The following MAP3K9 variants were observed in gnomAD, a reference collection of about 807,000 sequenced individuals.
The protein encoded by MAP3K9 is mitogen-activated protein kinase kinase kinase 9, also known as mixed lineage kinase 1 (tyr and ser/thr specificity).
Under a neutral mutation model 95.8 loss-of-function variants are expected in MAP3K9, and 46 were observed. The observed-to-expected ratio is 0.48, with a 90% CI of 0.38 to 0.61. The LOEUF is 0.61. MAP3K9 is among the 20% of genes least tolerant of loss of function. The probability of loss-of-function intolerance (pLI) is 0.00; values close to 1 mark genes in which losing one functional copy is unlikely to be tolerated. For synonymous variants in MAP3K9, 533 were observed against 593.8 expected (o/e 0.90, Z 1.49); for missense variants, 1,296 against 1,474.3 (o/e 0.88, Z 1.98).
chr14:70,749,849 G>C, intron 4 of MAP3K9, 84 bp downstream of exon 4: 1 of 1,497,288 alleles, frequency 6.7e-7, no homozygotes, highest in Non-Finnish European at 9.2e-7. Flanking sequence ...TTCAGTAACT[G>C]ATCTCACAGA....
chr14:70,742,911 TTATATATATATATA>T (rs3081458), intron 5 of MAP3K9, among the ~76,000 whole-genome samples: 1 of 143,114 alleles, frequency 7.0e-6, no homozygotes, highest in African/African-American at 2.6e-5. Flanking sequence ...TTATATATAT[TTATATATATATATA>T]TATATATATA....
chr14:70,744,170 G>C lies in MAP3K9; in HGVS notation c.1327-1579C>G, dbSNP rs537172577. On this transcript the variant is annotated intron_variant, in intron 5 of 11. Coordinates refer to ENST00000554752, the MANE Select transcript of MAP3K9 (RefSeq NM_001284230.2). Reference sequence around the variant, plus strand: ...GAACAATGAGAACGCATGGACACAGGGAGGGGAACGTCACACACCCTGTGG... The same window carrying C: ...GAACAATGAGAACGCATGGACACAGCGAGGGGAACGTCACACACCCTGTGG... Among the ~76,000 whole-genome samples, 19 of 152,192 alleles carry C rather than the reference G, an allele frequency of 1.2e-4. No homozygotes were observed. The East Asian group carries it at 3.7e-3, about 29-fold the overall frequency.
chr14:70,769,088 G>A (rs189560404), intron 2 of MAP3K9, among the ~76,000 whole-genome samples: 3 of 152,184 alleles, frequency 2.0e-5, no homozygotes, highest in South Asian at 2.1e-4. Flanking sequence ...GAGCACACCC[G>A]TAGTCCCAGC....
chr14:70,753,694 A>G (rs1242588452), intron 3 of MAP3K9, among the ~76,000 whole-genome samples: 1 of 152,146 alleles, frequency 6.6e-6, no homozygotes, highest in African/African-American at 2.4e-5. Flanking sequence ...ACCAGCTCCC[A>G]CAGTGCTGCC....
At chr14:70,745,064 A>G (rs1364083551) in intron 5 of MAP3K9, among the ~76,000 whole-genome samples, 1 of 152,164 alleles carries the variant, frequency 6.6e-6, no homozygotes, top group Non-Finnish European at 1.5e-5. Flanking sequence ...AAATTTTTAA[A>G]TCTAGATTTT....
At chr14:70,731,972 C>T (rs941188521) in intron 11 of MAP3K9, among the ~76,000 whole-genome samples, 16 of 151,312 alleles carry the variant, frequency 1.1e-4, no homozygotes, top group African/African-American at 2.2e-4. Flanking sequence ...CAGTCATATG[C>T]ACGGGGATAG....
intron 2 of MAP3K9, among the ~76,000 whole-genome samples, chr14:70,764,410 G>C (rs2054420396): frequency 6.6e-6 from 1 of 150,706 alleles, no homozygotes; most frequent in African/African-American, 2.4e-5. Flanking sequence ...TAACAAAAAA[G>C]TTTAAAATGT....
intron 2 of MAP3K9, among the ~76,000 whole-genome samples, chr14:70,771,231 T>C (rs573801963): frequency 6.6e-6 from 1 of 152,302 alleles, no homozygotes; most frequent in Non-Finnish European, 1.5e-5. Flanking sequence ...AAGGTAGCTG[T>C]AGCATTTCAC....
At chr14:70,803,931 T>G (rs1056794886) in intron 1 of MAP3K9, among the ~76,000 whole-genome samples, 1 of 152,238 alleles carries the variant, frequency 6.6e-6, no homozygotes, top group African/African-American at 2.4e-5. Flanking sequence ...TTCTGCCAAT[T>G]AGATGCACAA....
At chr14:70,733,644 T>G in intron 10 of MAP3K9, 2 of 697,956 alleles carry the variant, frequency 2.9e-6, no homozygotes, top group Non-Finnish European at 5.3e-6. Context: ...TCCACTTGAC[T>G]GGACTGAGGG....
rs748211903 is a variant in MAP3K9 at position 70,749,953 on chromosome 14, G to C, written c.1130C>G (p.Pro377Arg). 3 of 1,614,238 alleles carry C rather than the reference G, an allele frequency of 1.9e-6. No homozygotes were observed. The highest frequency in any genetic ancestry group is 1.1e-5 in the South Asian group (1 of 91,088). ...ALPIPSTCPE[P>R]FAKLMEDCWN... ...CTTACCTTCCATGAGTTTGGCAAAA[G>C]GTTCTGGGCACGTAGAAGGAATAGG... Residue 377 changes from proline to arginine, a missense_variant, in exon 4 of 12, where the codon CCT (proline) becomes CGT (arginine). This residue lies in a region of MAP3K9 where 136 missense variants were observed against 221.5 expected (regional missense o/e 0.61). Transcript: ENST00000554752.
At chr14:70,788,370 G>A (rs1473382035) in intron 2 of MAP3K9, among the ~76,000 whole-genome samples, 1 of 152,176 alleles carries the variant, frequency 6.6e-6, no homozygotes, top group African/African-American at 2.4e-5. Context: ...TGCTTATTAC[G>A]TGCCAGGCAC....
Position 70,734,355 on chromosome 14 carries a change from A to G in MAP3K9, c.2026+31T>C, listed in dbSNP as rs867171526. The G allele has an allele frequency of 9.3e-6, 14 of 1,501,420 alleles. No individual in the cohort carries two copies. The Middle Eastern group carries it at 2.1e-3, about 225-fold the overall frequency. The allele number at this position is 1,501,420 out of a possible 1,614,324, so 93.0% of individuals were successfully genotyped here. A position where few individuals can be genotyped will look rare whatever the true frequency, so the allele number is the denominator to read the frequency against. ...GAATGCCCCCAGGGAGCAGGGAGACAGCCAAGACTCTCAAGAGGAGCTATG... is the reference window on the plus strand; with the variant it reads ...GAATGCCCCCAGGGAGCAGGGAGACGGCCAAGACTCTCAAGAGGAGCTATG... On this transcript the variant is annotated intron_variant, in intron 10 of 11. Coordinates refer to ENST00000554752, the MANE Select transcript of MAP3K9 (RefSeq NM_001284230.2).
At chr14:70,808,184 G>A (rs996162563) in intron 1 of MAP3K9, among the ~76,000 whole-genome samples, 1 of 152,174 alleles carries the variant, frequency 6.6e-6, no homozygotes, top group Non-Finnish European at 1.5e-5. Context: ...CAACTTCTGA[G>A]ATATAAGAAA....
In MAP3K9 at chr14:70,750,027, A is replaced by G. The variant is rs750112254; in HGVS notation, c.1056T>C (p.Ile352=). The G allele has an allele frequency of 5.6e-6, 9 of 1,614,202 alleles. No homozygotes were observed. In the South Asian group the frequency reaches 9.9e-5, roughly 18 times the overall value. The change falls in exon 4 of 12, where the codon ATT becomes ATC. Residue 352 remains isoleucine, a synonymous_variant. Coordinates refer to ENST00000554752, the MANE Select transcript of MAP3K9 (RefSeq NM_001284230.2). ...LLTGEVPFRG[I]DGLAVAYGVA... ...CTCCATAAGCGACTGCTAAGCCATCAATGCCTCGAAAGGGCACCTCACCAG... is the reference window on the plus strand; with the variant it reads ...CTCCATAAGCGACTGCTAAGCCATCGATGCCTCGAAAGGGCACCTCACCAG...
At chr14:70,780,423 C>T (rs913332045) in intron 2 of MAP3K9, among the ~76,000 whole-genome samples, 11 of 152,170 alleles carry the variant, frequency 7.2e-5, no homozygotes, top group African/African-American at 2.2e-4. Context: ...AGGCCGTACC[C>T]ACTTCCCACA....
At chr14:70,783,140 T>G in intron 2 of MAP3K9, 1 of 348,074 alleles carries the variant, frequency 2.9e-6, no homozygotes, top group South Asian at 1.2e-4. Flanking sequence ...AAATCAAGCA[T>G]CAAAATGCTT....
intron 2 of MAP3K9, among the ~76,000 whole-genome samples, chr14:70,789,024 G>A (rs2054778438): frequency 6.6e-6 from 1 of 152,262 alleles, no homozygotes; most frequent in Non-Finnish European, 1.5e-5. Context: ...TTCCTCCTGG[G>A]GCAAAAGCAT....
At position 70,808,958 on chromosome 14, in the gene MAP3K9, T is replaced by G. The variant is rs1340832360; in HGVS notation, c.214A>C (p.Thr72Pro). 1 of 1,577,458 alleles carries G rather than the reference T, an allele frequency of 6.3e-7. No individual in the cohort carries two copies. Among genetic ancestry groups the G allele is most frequent in the Non-Finnish European group, 8.6e-7 (1 of 1,168,482 alleles). The change falls in exon 1 of 12, where the codon ACC becomes CCC. Residue 72 changes from threonine (T) to proline (P), a missense_variant. Thr to Pro is a conservative substitution (Grantham distance 38, BLOSUM62 -1). Coordinates refer to ENST00000554752, the MANE Select transcript of MAP3K9 (RefSeq NM_001284230.2). ...EYEAAGEDELTLRLGDVVEVL... is the reference protein window; with the variant it reads ...EYEAAGEDELPLRLGDVVEVL... ...TCCACCACGTCGCCCAGCCGCAGGG[T>G]CAGCTCGTCCTCGCCCGCCGCCTCG...
Sources: gnomAD v4.1 joint callset for allele counts (sites outside exome capture counted in the v4.1 genomes callset) on GRCh38, gnomAD v4.1.1 for gene constraint, gnomAD v4.1.1 regional missense constraint, MANE v1.5 for transcripts, NCBI Gene and HGNC (gene_info 2026-07-23, HGNC 2026-07-21) for gene names.